Variants in IMPDH1 observed in about 807,000 individuals in gnomAD.
IMPDH1 encodes inosine monophosphate dehydrogenase 1, also known as inosine-5'-monophosphate dehydrogenase 1.
IMPDH1 carries 41 observed loss-of-function variants against 73.5 expected under a neutral mutation model. That is an observed-to-expected ratio of 0.56 (90% confidence interval 0.43 to 0.72). IMPDH1 has a LOEUF of 0.72. IMPDH1 is among the 30% of genes least tolerant of loss of function. IMPDH1 has a pLI of 0.00. For synonymous variants in IMPDH1, 318 were observed against 334.3 expected (o/e 0.95, Z 0.53); for missense variants, 645 against 824.8 (o/e 0.78, Z 2.67).
At chr7:128,399,938 G>A (rs542325600) in intron 9 of IMPDH1, among the ~76,000 whole-genome samples, 157 bp downstream of exon 9, 4 of 152,318 alleles carry the variant, frequency 2.6e-5, no homozygotes, top group African/African-American at 9.6e-5. Flanking sequence ...CTAAGAGAAG[G>A]ATGGCAGGAG....
In IMPDH1 at chr7:128,396,633, T is replaced by C. The variant is rs759859452; in HGVS notation, c.1228A>G (p.Met410Val). Reference protein sequence around the residue: ...DAGVDGLRVGMGCGSICITQE... With the variant: ...DAGVDGLRVGVGCGSICITQE... Reference sequence around the variant, plus strand: ...GTGATGCAGATGGAGCCGCAGCCCATGCCCACGCGCAGCCCGTCCACACCA... The same window carrying C: ...GTGATGCAGATGGAGCCGCAGCCCACGCCCACGCGCAGCCCGTCCACACCA... Residue 410 changes from methionine to valine, a missense_variant, in exon 12 of 17, where the codon ATG becomes GTG. Physicochemically the swap from Met to Val is conservative, Grantham distance 21. Transcript: ENST00000338791. The surrounding 1 kb of genome is among the most constrained non-coding windows in gnomAD (Gnocchi z 4.0). 1.3e-6 allele frequency: 2 copies of C among 1,555,590 alleles called. No individual in the cohort carries two copies. Among genetic ancestry groups the C allele is most frequent in the Non-Finnish European group, 1.7e-6 (2 of 1,148,918 alleles).
intron 7 of IMPDH1, 62 bp downstream of exon 7, chr7:128,400,755 G>C: frequency 7.0e-7 from 1 of 1,424,344 alleles, no homozygotes; most frequent in Non-Finnish European, 9.9e-7. Flanking sequence ...GGGGAGGCTG[G>C]GAGGGCCTCT....
At chr7:128,406,012 G>A (rs1225697420) in intron 3 of IMPDH1, 147 bp from the exon 4 acceptor site, 2 of 447,220 alleles carry the variant, frequency 4.5e-6, no homozygotes, top group South Asian at 9.0e-5. Context: ...GGGGGCTGCG[G>A]CAGCGGCAGG....
At chr7:128,405,992 G>A in intron 3 of IMPDH1, 127 bp from the exon 4 acceptor site, 5 of 621,370 alleles carry the variant, frequency 8.0e-6, no homozygotes, top group Non-Finnish European at 1.0e-5. Context: ...GGCGGGCCGG[G>A]GGCGGGGGCG....
chr7:128,404,880 C>A (rs1245624090), intron 4 of IMPDH1, among the ~76,000 whole-genome samples: 1 of 152,178 alleles, frequency 6.6e-6, no homozygotes, highest in Non-Finnish European at 1.5e-5. Context: ...TCTATACACC[C>A]GTCGCCTACG....
chr7:128,393,074 C>A (rs752812090), intron 16 of IMPDH1, 46 bp from the exon 17 acceptor site: 1 of 1,607,332 alleles, frequency 6.2e-7, no homozygotes, highest in Non-Finnish European at 8.5e-7. Context: ...GTGTGTGGAC[C>A]CTGCTCCTTC....
In IMPDH1 at chr7:128,394,426, G is replaced by T. The variant is rs761844432; in HGVS notation, c.1694+30C>A. 6 of 1,613,880 alleles carry T rather than the reference G, an allele frequency of 3.7e-6. No individual in the cohort carries two copies. The Admixed American group carries it at 1.0e-4, about 27-fold the overall frequency. On this transcript the variant is annotated intron_variant, in intron 15 of 16. Coordinates refer to ENST00000338791, the MANE Select transcript of IMPDH1 (RefSeq NM_000883.4). This position sits in a 1 kb window ranked among gnomAD's most constrained non-coding sequence, Gnocchi z 5.5. ...GGTGGAGAAGAGCGAGAGAAAGGAA[G>T]CAGGAGCCACCCCCAGTCTCAGCAC...
rs1410488486 is a variant in IMPDH1 at position 128,392,999 on chromosome 7, C to T, written c.*8G>A. 14 of 1,613,762 alleles carry T rather than the reference C, an allele frequency of 8.7e-6. No homozygotes were observed. Among genetic ancestry groups the T allele is most frequent in the South Asian group, 3.3e-5 (3 of 91,076 alleles). ...TCCCCTCCACCACCTCGGCCTCCAC[C>T]GCTGTCCTCAGTACAGCCGCTTTTC... On this transcript the variant is annotated 3_prime_UTR_variant, in exon 17 of 17. Coordinates refer to ENST00000338791, the MANE Select transcript of IMPDH1 (RefSeq NM_000883.4).
intron 10 of IMPDH1, among the ~76,000 whole-genome samples, chr7:128,397,375 C>T (rs981725791): frequency 6.6e-6 from 1 of 152,148 alleles, no homozygotes. Flanking sequence ...CTTCTTTAAG[C>T]CTGTTTCTTC....
rs72624965 is a variant in IMPDH1 at position 128,396,571 on chromosome 7, C to T, written c.1261+29G>A. 471 of 1,491,230 alleles carry T rather than the reference C, an allele frequency of 3.2e-4. 3 individuals are homozygous for T. The East Asian group carries it at 4.2e-3, about 13-fold the overall frequency. The allele number at this position is 1,491,230 out of a possible 1,614,324, so 92.4% of individuals were successfully genotyped here. On this transcript the variant is annotated intron_variant, in intron 12 of 16. Transcript: ENST00000338791. This position sits in a 1 kb window ranked among gnomAD's most constrained non-coding sequence, Gnocchi z 4.0. ...AACAAAGGCGAGGCCCCGGGGCCAG[C>T]GGGCACTCGCTCACCTCCTGACACC...
chr7:128,397,495 G>T (rs971770672), intron 10 of IMPDH1, among the ~76,000 whole-genome samples: 1 of 152,160 alleles, frequency 6.6e-6, no homozygotes, highest in Non-Finnish European at 1.5e-5. Flanking sequence ...AAATTATCAG[G>T]GTCAACTTAT....
At chr7:128,403,581 A>G (rs1584744241) in intron 5 of IMPDH1, 125 bp downstream of exon 5, 2 of 755,202 alleles carry the variant, frequency 2.6e-6, no homozygotes, top group Non-Finnish European at 2.3e-6. Flanking sequence ...AAAAAGGACT[A>G]TATCCTATCC....
At position 128,398,317 on chromosome 7, in the gene IMPDH1, G is replaced by A; in HGVS notation, c.1074+97C>T. ...GAGAGAGGAAGAGTAGCAAGGGAGG[G>A]GCACAGGCTTAATCAGAGGTGAACC... On this transcript the variant is annotated intron_variant, in intron 10 of 16. Transcript: ENST00000338791. This position sits in a 1 kb window ranked among gnomAD's most constrained non-coding sequence, Gnocchi z 4.3. 1 of 930,962 alleles carries A rather than the reference G, an allele frequency of 1.1e-6. No homozygotes were observed. The allele number at this position is 930,962 out of a possible 1,614,324, so 57.7% of individuals were successfully genotyped here.
Position 128,409,460 on chromosome 7 carries a change from G to A in IMPDH1, c.171C>T (p.His57=). Residue 57 remains histidine (H), a synonymous_variant, in exon 2 of 17, where the codon CAC becomes CAT. Coordinates refer to ENST00000338791, the MANE Select transcript of IMPDH1 (RefSeq NM_000883.4). ...AGCCACCTGAACGGGGTGTCGTCGG[G>A]TGTGTAGCGAGGTCCAATCTAGGGC... The part of the protein sequence containing the change: ...PESPRLDLAT[H]PTTPRSELSS... The A allele has an allele frequency of 6.2e-7, 1 of 1,614,238 alleles. No individual in the cohort carries two copies. Among genetic ancestry groups the A allele is most frequent in the Non-Finnish European group, 8.5e-7 (1 of 1,180,038 alleles).
At position 128,398,338 on chromosome 7, in the gene IMPDH1, G is replaced by T; in HGVS notation, c.1074+76C>A. On this transcript the variant is annotated intron_variant, in intron 10 of 16. Transcript: ENST00000338791. The surrounding 1 kb of genome is among the most constrained non-coding windows in gnomAD (Gnocchi z 4.3). ...GAGGGGCACAGGCTTAATCAGAGGT[G>T]AACCTGGGTCCTCATAAACCTCCAC... 1 of 1,205,938 alleles carries T rather than the reference G, an allele frequency of 8.3e-7. No homozygotes were observed. The highest frequency in any genetic ancestry group is 1.2e-6 in the Non-Finnish European group (1 of 815,792). 74.7% of individuals were successfully genotyped at this position (1,205,938 alleles called of 1,614,324 possible).
intron 12 of IMPDH1, among the ~76,000 whole-genome samples, chr7:128,395,504 C>T (rs1393714244): frequency 6.6e-6 from 1 of 152,208 alleles, no homozygotes; most frequent in Non-Finnish European, 1.5e-5. Flanking sequence ...GGGATTCTGA[C>T]GGGGGAACCA....
At chr7:128,395,062 A>G in intron 13 of IMPDH1, 29 bp from the exon 14 acceptor site, 1 of 1,613,634 alleles carries the variant, frequency 6.2e-7, no homozygotes, top group Non-Finnish European at 8.5e-7. Context: ...TAGTGCCTCC[A>G]GCCCACTAGT....
chr7:128,408,685 C>G (rs1024481236), intron 3 of IMPDH1, among the ~76,000 whole-genome samples: 1 of 152,186 alleles, frequency 6.6e-6, no homozygotes, highest in African/African-American at 2.4e-5. Flanking sequence ...TTTGCAACCC[C>G]TACTCTAACC....
Position 128,392,839 on chromosome 7 carries a change from C to G in IMPDH1, c.*168G>C, listed in dbSNP as rs531478376. 23 of 669,616 alleles carry G rather than the reference C, an allele frequency of 3.4e-5. 1 individual carries two copies. Among genetic ancestry groups the G allele is most frequent in the Non-Finnish European group, 5.8e-5 (22 of 380,326 alleles). 41.5% of individuals were successfully genotyped at this position (669,616 alleles called of 1,614,324 possible). Reference sequence around the variant, plus strand: ...GCAGTCCTGACTCTGCAGGGGATGCCGAGTGAGGGGCAGCAGTCCCCTCAG... The same window carrying G: ...GCAGTCCTGACTCTGCAGGGGATGCGGAGTGAGGGGCAGCAGTCCCCTCAG... On this transcript the variant is annotated 3_prime_UTR_variant, in exon 17 of 17. Transcript: ENST00000338791.
Sources: allele counts gnomAD v4.1 joint callset (sites outside exome capture counted in the v4.1 genomes callset), GRCh38; gene constraint gnomAD v4.1.1; non-coding constraint Gnocchi (gnomAD v3.1); transcripts MANE v1.5; gene names NCBI Gene and HGNC (gene_info 2026-07-23, HGNC 2026-07-21).